COL4A2: variants seen among roughly 807,000 people sequenced by gnomAD.
The protein encoded by COL4A2 is collagen type IV alpha 2 chain, also known as collagen alpha-2(IV) chain.
COL4A2 carries 99 observed loss-of-function variants against 200.2 expected under a neutral mutation model. The ratio of observed to expected loss-of-function variants is 0.49; its 90% confidence interval spans 0.42 to 0.58. The LOEUF is 0.58. Ranked by LOEUF, COL4A2 falls within the 20% of genes least tolerant of loss-of-function variation. The pLI, the probability that COL4A2 is intolerant of heterozygous loss-of-function variation, is 0.00. For synonymous variants in COL4A2, 897 were observed against 900.6 expected, an observed-to-expected ratio of 1.00 and a Z score of 0.07; for missense variants, 1,950 against 2,314.1, an observed-to-expected ratio of 0.84 and a Z score of 3.23.
intron 22 of COL4A2, among the ~76,000 whole-genome samples, chr13:110,460,789 G>A (rs1356394283): frequency 6.6e-6 from 1 of 152,212 alleles, no homozygotes; most frequent in Non-Finnish European, 1.5e-5. Flanking sequence ...CGCTTGAAGT[G>A]TGGGAGTGGG....
At chr13:110,510,644 A>G (rs1884052376) in intron 47 of COL4A2, among the ~76,000 whole-genome samples, 3 of 148,464 alleles carry the variant, frequency 2.0e-5, no homozygotes, top group Admixed American at 1.4e-4. Flanking sequence ...ACATGCGTGC[A>G]TTTGTGTGTG....
intron 4 of COL4A2, among the ~76,000 whole-genome samples, chr13:110,382,574 T>C (rs1295850348): frequency 1.3e-5 from 2 of 152,288 alleles, no homozygotes; most frequent in African/African-American, 4.8e-5. Context: ...TTATATAAAA[T>C]AAATACAATG....
At chr13:110,322,359 G>A (rs1235515745) in intron 3 of COL4A2, among the ~76,000 whole-genome samples, 1 of 152,178 alleles carries the variant, frequency 6.6e-6, no homozygotes, top group Admixed American at 6.5e-5. Context: ...GACAGGCATG[G>A]GAAGCTGTCC....
chr13:110,401,197 A>C (rs1879359671), intron 4 of COL4A2, among the ~76,000 whole-genome samples: 1 of 152,242 alleles, frequency 6.6e-6, no homozygotes, highest in South Asian at 2.1e-4. Flanking sequence ...GGAGGACCAG[A>C]GAACAAGCTC....
Position 110,485,084 on chromosome 13 carries a change from C to T in COL4A2, c.3025+57C>T, listed in dbSNP as rs889273939. On this transcript the variant is annotated intron_variant, in intron 33 of 47. Transcript: ENST00000360467. Reference sequence around the variant, plus strand: ...TAGTCCCTGCCGCCCCAGCCCGCACCAGCTCGTGCCCTTCTCCGTCCCCAG... The same window carrying T: ...TAGTCCCTGCCGCCCCAGCCCGCACTAGCTCGTGCCCTTCTCCGTCCCCAG... 7.6e-6 allele frequency: 11 copies of T among 1,451,474 alleles called. No homozygotes were observed. In the African/African-American group the frequency reaches 1.4e-4, roughly 19 times the overall value. The allele number at this position is 1,451,474 out of a possible 1,614,324, so 89.9% of individuals were successfully genotyped here. A position where few individuals can be genotyped will look rare whatever the true frequency, so the allele number is the denominator to read the frequency against.
chr13:110,320,602 A>G (rs1885250836), intron 3 of COL4A2, among the ~76,000 whole-genome samples: 1 of 152,244 alleles, frequency 6.6e-6, no homozygotes, highest in Admixed American at 6.5e-5. Context: ...GATATTTCAA[A>G]TAACTGGAAA....
At chr13:110,466,631 AG>A (rs1882250471) in intron 26 of COL4A2, among the ~76,000 whole-genome samples, 1 of 152,224 alleles carries the variant, frequency 6.6e-6, no homozygotes, top group African/African-American at 2.4e-5. Flanking sequence ...ACAAAGGAGA[AG>A]TCAAATAATT....
intron 4 of COL4A2, among the ~76,000 whole-genome samples, chr13:110,418,248 A>G (rs1880120530): frequency 6.6e-6 from 1 of 152,084 alleles, no homozygotes; most frequent in Non-Finnish European, 1.5e-5. Context: ...GAGTTTTGAG[A>G]GTTCTTTATA....
chr13:110,307,837 C>G lies in COL4A2; in HGVS notation c.-44-23C>G. On this transcript the variant is annotated intron_variant, in intron 1 of 47. Coordinates refer to ENST00000360467, the MANE Select transcript of COL4A2 (RefSeq NM_001846.4). This position sits in a 1 kb window ranked among gnomAD's most constrained non-coding sequence, Gnocchi z 5.0. ...GCTGCCTCCCTCATCCTGCGCTAAA[C>G]TCGCTTTGTCTGTCGCCTCTAGGCT... is the stretch of plus-strand genomic sequence containing the variant. The G allele has an allele frequency of 6.5e-7, 1 of 1,546,314 alleles. No homozygotes were observed. The highest frequency in any genetic ancestry group is 1.4e-5 in the African/African-American group (1 of 73,356).
At chr13:110,418,028 C>T (rs568206834) in intron 4 of COL4A2, among the ~76,000 whole-genome samples, 2 of 152,210 alleles carry the variant, frequency 1.3e-5, no homozygotes, top group East Asian at 1.9e-4. Context: ...TTCGAGGTGC[C>T]ATCCTTCCCA....
intron 4 of COL4A2, among the ~76,000 whole-genome samples, chr13:110,419,297 A>G (rs1250611233): frequency 1.1e-4 from 17 of 152,214 alleles, no homozygotes; most frequent in Admixed American, 1.1e-3. Context: ...CTACCAGTAA[A>G]ATACTGTACT....
At chr13:110,385,572 GCAGTGTGTGGATAGGCCGTGGTTA>G (rs1566505140) in intron 4 of COL4A2, among the ~76,000 whole-genome samples, 1 of 7,042 alleles carries the variant, frequency 1.4e-4, no homozygotes, top group African/African-American at 3.5e-4. Context: ...GACCGTGGCT[GCAGTGTGTGGATAGGCCGTGGTTA>G]CAGTGTGTGG....
intron 33 of COL4A2, 49 bp from the exon 34 acceptor site, chr13:110,485,606 C>A: frequency 6.9e-7 from 1 of 1,444,888 alleles, no homozygotes; most frequent in South Asian, 1.3e-5. Flanking sequence ...AACTGGAGGG[C>A]GGGTGCTGCG....
Position 110,482,497 on chromosome 13 carries a change from TTTCTC to T in COL4A2, c.2759-16_2759-12del. 6.2e-7 allele frequency: 1 copy of T among 1,612,312 alleles called. No individual in the cohort carries two copies. On this transcript the variant is annotated splice_polypyrimidine_tract_variant and intron_variant, in intron 31 of 47. Coordinates refer to ENST00000360467, the MANE Select transcript of COL4A2 (RefSeq NM_001846.4). ...TTTTATTCATGTCTAACCCAGCACTTTTCTCTTTTCCTCTGAAGGAGATAGAGGCT... is the reference window on the plus strand; with the variant it reads ...TTTTATTCATGTCTAACCCAGCACTTTTTTCCTCTGAAGGAGATAGAGGCT...
chr13:110,327,770 T>TAGGGTTAG (rs1875696315), intron 3 of COL4A2, among the ~76,000 whole-genome samples: 4 of 152,186 alleles, frequency 2.6e-5, no homozygotes, highest in African/African-American at 4.8e-5. Flanking sequence ...AATTCTGTTT[T>TAGGGTTAG]CGTCATTAGT....
rs529152279 is a variant in COL4A2 at position 110,408,322 on chromosome 13, A to G, written c.181-16412A>G. Among the ~76,000 whole-genome samples, 142 of 152,300 alleles carry G rather than the reference A, an allele frequency of 9.3e-4. 1 individual carries two copies. The highest frequency in any genetic ancestry group is 3.4e-3 in the African/African-American group (141 of 41,576). ...GTGTCAGGCCAGAAACCAGCTCACC[A>G]TGGTTCAAGGTGTGAATGGGGGACA... On this transcript the variant is annotated intron_variant, in intron 4 of 47. Coordinates refer to ENST00000360467, the MANE Select transcript of COL4A2 (RefSeq NM_001846.4).
intron 4 of COL4A2, among the ~76,000 whole-genome samples, chr13:110,416,985 CTT>C (rs72026998): frequency 9.1e-5 from 13 of 143,358 alleles, no homozygotes; most frequent in Non-Finnish European, 3.1e-5. Context: ...GCAGACTTTT[CTT>C]TTTTTTTTTT....
chr13:110,380,273 G>A (rs527804971), intron 4 of COL4A2, among the ~76,000 whole-genome samples: 39 of 152,248 alleles, frequency 2.6e-4, no homozygotes, highest in African/African-American at 8.7e-4. Context: ...GGGGAGGGTC[G>A]AACAGAGAAT....
rs948604090 is a variant in COL4A2 at position 110,384,029 on chromosome 13, A to G, written c.180+26477A>G. Among the ~76,000 whole-genome samples, 3 of 152,304 alleles carry G rather than the reference A, an allele frequency of 2.0e-5. No homozygotes were observed. In the East Asian group the frequency reaches 5.8e-4, roughly 29 times the overall value. On this transcript the variant is annotated intron_variant, in intron 4 of 47. Coordinates refer to ENST00000360467, the MANE Select transcript of COL4A2 (RefSeq NM_001846.4). The stretch of plus-strand genomic sequence containing the variant: ...AGAAGGACTGCTGTGCAGGCGGTAA[A>G]TGGCATCTGCCAGACTGCACAGATG...
Sources: gnomAD v4.1 joint callset for allele counts (sites outside exome capture counted in the v4.1 genomes callset) on GRCh38, gnomAD v4.1.1 for gene constraint, Gnocchi (gnomAD v3.1) non-coding constraint, MANE v1.5 for transcripts, NCBI Gene and HGNC (gene_info 2026-07-23, HGNC 2026-07-21) for gene names.